CACNA2D3: variants seen among roughly 807,000 people sequenced by gnomAD.
The protein encoded by CACNA2D3 is voltage-dependent calcium channel subunit alpha-2/delta-3.
CACNA2D3 carries 60 observed loss-of-function variants against 160.6 expected under a neutral mutation model. The observed-to-expected ratio is 0.37, with a 90% CI of 0.30 to 0.46. The LOEUF is 0.46. CACNA2D3 is among the 20% of genes least tolerant of loss of function. The pLI, the probability that CACNA2D3 is intolerant of heterozygous loss-of-function variation, is 1.00. For synonymous variants in CACNA2D3, 558 were observed against 492.9 expected, an observed-to-expected ratio of 1.13 and a Z score of -1.75; for missense variants, 1,205 against 1,365.0, an observed-to-expected ratio of 0.88 and a Z score of 1.85.
At chr3:54,143,212 G>C (rs1033229168) in intron 2 of CACNA2D3, among the ~76,000 whole-genome samples, 1 of 152,210 alleles carries the variant, frequency 6.6e-6, no homozygotes, top group Admixed American at 6.5e-5. Context: ...TGTCATGTAA[G>C]TGGCTTCCCC....
At chr3:54,541,102 C>A (rs1462160520) in intron 5 of CACNA2D3, among the ~76,000 whole-genome samples, 3 of 151,530 alleles carry the variant, frequency 2.0e-5, no homozygotes, top group Non-Finnish European at 2.9e-5. Context: ...ATGGTGAAAC[C>A]CCATCTCTAC....
chr3:54,372,970 GC>G (rs1378212922), intron 3 of CACNA2D3, among the ~76,000 whole-genome samples: 2 of 152,290 alleles, frequency 1.3e-5, no homozygotes, highest in East Asian at 3.9e-4. Flanking sequence ...CATAACCCAG[GC>G]CCTTGTTTGA....
intron 11 of CACNA2D3, among the ~76,000 whole-genome samples, chr3:54,677,610 G>GTT (rs1223720791): frequency 3.3e-5 from 4 of 122,784 alleles, no homozygotes; most frequent in African/African-American, 1.3e-4. Flanking sequence ...AATAGTTTTT[G>GTT]TTTTTTTTTT....
At chr3:54,763,689 GTATA>G (rs559362416) in intron 12 of CACNA2D3, among the ~76,000 whole-genome samples, 303 of 131,528 alleles carry the variant, frequency 2.3e-3, no homozygotes, top group African/African-American at 8.0e-3. Flanking sequence ...ATATATGTGT[GTATA>G]TATGTATATA....
At chr3:54,130,166 G>T (rs1011934301) in intron 2 of CACNA2D3, among the ~76,000 whole-genome samples, 8 of 152,180 alleles carry the variant, frequency 5.3e-5, no homozygotes, top group African/African-American at 1.9e-4. Context: ...ACCAACTGCG[G>T]GGCCCTGGCT....
At chr3:54,780,813 A>G (rs1410591469) in intron 13 of CACNA2D3, among the ~76,000 whole-genome samples, 1 of 152,162 alleles carries the variant, frequency 6.6e-6, no homozygotes, top group Non-Finnish European at 1.5e-5. Flanking sequence ...AGTATACTAA[A>G]GGAGTGGGGG....
intron 2 of CACNA2D3, among the ~76,000 whole-genome samples, chr3:54,260,013 T>G (rs1319404878): frequency 6.6e-6 from 1 of 152,214 alleles, no homozygotes; most frequent in Admixed American, 6.5e-5. Flanking sequence ...TCTTTAGCCC[T>G]AACTTCTAAG....
At chr3:55,005,761 AAC>A (rs1471483708) in intron 32 of CACNA2D3, among the ~76,000 whole-genome samples, 1 of 152,192 alleles carries the variant, frequency 6.6e-6, no homozygotes, top group Admixed American at 6.5e-5. Flanking sequence ...AATACCTAAA[AAC>A]ACAGAAAAAA....
At chr3:54,413,418 A>ATC (rs1491422511) in intron 4 of CACNA2D3, among the ~76,000 whole-genome samples, 1,686 of 110,608 alleles carry the variant, frequency 0.015, 19 homozygotes, top group Non-Finnish European at 0.023. Flanking sequence ...CTATATATAT[A>ATC]GATATCTATA....
intron 13 of CACNA2D3, among the ~76,000 whole-genome samples, chr3:54,777,483 A>G (rs879436391): frequency 2.6e-5 from 4 of 152,236 alleles, no homozygotes; most frequent in Non-Finnish European, 5.9e-5. Flanking sequence ...AGAAAGGAAA[A>G]GCAAAGCCAG....
At chr3:54,334,061 A>T (rs11130417) in intron 3 of CACNA2D3, among the ~76,000 whole-genome samples, 100,659 of 151,688 alleles carry the variant, frequency 0.66, 33,884 homozygotes, top group Non-Finnish European at 0.74. Context: ...ACTTTGCCCC[A>T]GTCATTTGTT....
intron 29 of CACNA2D3, among the ~76,000 whole-genome samples, chr3:54,982,606 G>A (rs188533650): frequency 1.2e-4 from 19 of 152,196 alleles, no homozygotes; most frequent in African/African-American, 4.3e-4. Context: ...AGGAATTCAG[G>A]GCAAGTTTAT....
chr3:54,279,468 T>C (rs998410084), intron 2 of CACNA2D3, among the ~76,000 whole-genome samples: 1 of 152,104 alleles, frequency 6.6e-6, no homozygotes, highest in Non-Finnish European at 1.5e-5. Flanking sequence ...TCTCTGTGTC[T>C]CTGGTACTAC....
At chr3:54,827,489 T>C (rs537820550) in intron 14 of CACNA2D3, among the ~76,000 whole-genome samples, 1 of 152,374 alleles carries the variant, frequency 6.6e-6, no homozygotes, top group African/African-American at 2.4e-5. Flanking sequence ...CTTGTTACTT[T>C]TTGTCTTCTC....
At chr3:54,917,264 T>C (rs1352654455) in intron 27 of CACNA2D3, among the ~76,000 whole-genome samples, 1 of 152,226 alleles carries the variant, frequency 6.6e-6, no homozygotes, top group Non-Finnish European at 1.5e-5. Flanking sequence ...TGATTCAATT[T>C]ACAAAAATTC....
chr3:54,836,295 C>A (rs1698685533), intron 14 of CACNA2D3, among the ~76,000 whole-genome samples: 1 of 144,260 alleles, frequency 6.9e-6, no homozygotes, highest in Non-Finnish European at 1.5e-5. Flanking sequence ...AGTGCAGTGG[C>A]ACTATCTCGG....
At chr3:54,540,870 A>G (rs1260505609) in intron 5 of CACNA2D3, among the ~76,000 whole-genome samples, 1 of 152,208 alleles carries the variant, frequency 6.6e-6, no homozygotes, top group Non-Finnish European at 1.5e-5. Context: ...TTCATTCCAT[A>G]GCAGTAACCT....
At chr3:54,706,537 T>C (rs994964757) in intron 11 of CACNA2D3, among the ~76,000 whole-genome samples, 4 of 152,226 alleles carry the variant, frequency 2.6e-5, no homozygotes, top group African/African-American at 7.2e-5. Flanking sequence ...CCTCAGGCTT[T>C]GGTGCTTGGA....
intron 4 of CACNA2D3, among the ~76,000 whole-genome samples, chr3:54,416,823 T>C (rs1157023081): frequency 6.6e-6 from 1 of 152,196 alleles, no homozygotes; most frequent in Admixed American, 6.5e-5. Context: ...ATTGATTATA[T>C]TTAATGGCTG....
Sources: gnomAD v4.1 joint callset for allele counts (sites outside exome capture counted in the v4.1 genomes callset) on GRCh38, gnomAD v4.1.1 for gene constraint, MANE v1.5 for transcripts, NCBI Gene and HGNC (gene_info 2026-07-23, HGNC 2026-07-21) for gene names.